Variants in OSBPL8 observed in about 807,000 individuals in gnomAD.
OSBPL8 encodes oxysterol-binding protein-related protein 8.
OSBPL8 carries 59 observed loss-of-function variants against 125.5 expected under a neutral mutation model. The observed-to-expected ratio is 0.47, with a 90% CI of 0.38 to 0.58. OSBPL8 has a LOEUF of 0.58. Ranked by LOEUF, OSBPL8 falls within the 20% of genes least tolerant of loss-of-function variation. OSBPL8 has a pLI of 0.00. For missense variants in OSBPL8, 758 were observed against 1,047.8 expected (o/e 0.72, Z 3.82); for synonymous variants, 330 against 338.9 (o/e 0.97, Z 0.29).
intron 1 of OSBPL8, among the ~76,000 whole-genome samples, chr12:76,510,171 A>G (rs1300816183): frequency 1.3e-5 from 2 of 152,232 alleles, no homozygotes; most frequent in Non-Finnish European, 2.9e-5. Context: ...AATACTTTTC[A>G]TATCTCCAGA....
chr12:76,436,295 T>C (rs1871434739), intron 4 of OSBPL8, among the ~76,000 whole-genome samples: 1 of 152,154 alleles, frequency 6.6e-6, no homozygotes, highest in African/African-American at 2.4e-5. Flanking sequence ...TAAGAAGCTC[T>C]TTTGGATCCA....
Position 76,458,417 on chromosome 12 carries a change from C to T in OSBPL8, c.79+1442G>A, listed in dbSNP as rs533226505. On this transcript the variant is annotated intron_variant, in intron 3 of 23. Coordinates refer to ENST00000261183, the MANE Select transcript of OSBPL8 (RefSeq NM_020841.5). The stretch of plus-strand genomic sequence containing the variant: ...TTAAGAATGAAAAAAGGGCTAGGCA[C>T]GGTGGCTCACACCTGTAATCCCAAC... Among the ~76,000 whole-genome samples, 4 of 152,076 alleles carry T rather than the reference C, an allele frequency of 2.6e-5. No individual in the cohort carries two copies. The East Asian group carries it at 5.8e-4, about 22-fold the overall frequency.
At chr12:76,453,107 T>C (rs1332220498) in intron 3 of OSBPL8, among the ~76,000 whole-genome samples, 1 of 152,136 alleles carries the variant, frequency 6.6e-6, no homozygotes, top group African/African-American at 2.4e-5. Context: ...AAAATATAGT[T>C]TATTGCTTTT....
chr12:76,459,088 C>T (rs1874396438), intron 3 of OSBPL8, among the ~76,000 whole-genome samples: 1 of 152,180 alleles, frequency 6.6e-6, no homozygotes, highest in African/African-American at 2.4e-5. Flanking sequence ...GGAAGACACA[C>T]TGGACTAGTA....
intron 4 of OSBPL8, among the ~76,000 whole-genome samples, chr12:76,415,809 G>A (rs1868577436): frequency 6.6e-6 from 1 of 152,046 alleles, no homozygotes; most frequent in Non-Finnish European, 1.5e-5. Flanking sequence ...CTGATTTGCA[G>A]TAACACTCTT....
At chr12:76,468,620 T>C (rs2136898962) in intron 2 of OSBPL8, among the ~76,000 whole-genome samples, 1 of 152,346 alleles carries the variant, frequency 6.6e-6, no homozygotes, top group Non-Finnish European at 1.5e-5. Flanking sequence ...AGAGCTCAAA[T>C]TGCCAATTCT....
chr12:76,410,443 A>G (rs1435964942), intron 5 of OSBPL8, 121 bp downstream of exon 5: 7 of 688,448 alleles, frequency 1.0e-5, no homozygotes, highest in South Asian at 1.8e-5. Flanking sequence ...TACACACTAC[A>G]TGGTTCAGAT....
chr12:76,356,964 T>A (rs536540082), intron 22 of OSBPL8, among the ~76,000 whole-genome samples: 34 of 152,304 alleles, frequency 2.2e-4, no homozygotes, highest in African/African-American at 7.9e-4. Flanking sequence ...CCAGTTTTTT[T>A]AACTAATTAA....
chr12:76,379,102 A>G (rs758539643), intron 15 of OSBPL8, among the ~76,000 whole-genome samples: 8 of 152,170 alleles, frequency 5.3e-5, no homozygotes, highest in Non-Finnish European at 1.0e-4. Flanking sequence ...TATGAGAGTT[A>G]CAAGAAAATG....
chr12:76,440,956 G>C (rs1415461819), intron 4 of OSBPL8, among the ~76,000 whole-genome samples: 3 of 152,086 alleles, frequency 2.0e-5, no homozygotes, highest in African/African-American at 4.8e-5. Flanking sequence ...AAATTTCTAA[G>C]ACATTTTACT....
chr12:76,501,072 T>C (rs1879849086), intron 1 of OSBPL8, among the ~76,000 whole-genome samples: 2 of 149,508 alleles, frequency 1.3e-5, no homozygotes, highest in African/African-American at 5.1e-5. Flanking sequence ...ATTTATTGAG[T>C]AATTGTATGT....
At chr12:76,425,434 C>T (rs1022138434) in intron 4 of OSBPL8, among the ~76,000 whole-genome samples, 3 of 152,162 alleles carry the variant, frequency 2.0e-5, no homozygotes, top group East Asian at 1.9e-4. Context: ...ATAGGACTTA[C>T]TTCTGTCATG....
intron 1 of OSBPL8, among the ~76,000 whole-genome samples, chr12:76,528,663 G>A (rs1447996400): frequency 6.6e-6 from 1 of 151,810 alleles, no homozygotes; most frequent in Non-Finnish European, 1.5e-5. Context: ...ATAAGGAAGT[G>A]TAACAGAATC....
intron 4 of OSBPL8, among the ~76,000 whole-genome samples, chr12:76,428,114 A>G (rs1479618143): frequency 6.6e-6 from 1 of 152,070 alleles, no homozygotes; most frequent in Non-Finnish European, 1.5e-5. Flanking sequence ...ACATTAAAAA[A>G]TAAATAATTA....
intron 4 of OSBPL8, among the ~76,000 whole-genome samples, chr12:76,437,005 G>C (rs1871538510): frequency 6.6e-6 from 1 of 151,930 alleles, no homozygotes; most frequent in Non-Finnish European, 1.5e-5. Flanking sequence ...GTAGCTTTAA[G>C]GCATTCATTT....
At chr12:76,546,015 G>A (rs1006049822) in intron 1 of OSBPL8, among the ~76,000 whole-genome samples, 1 of 152,088 alleles carries the variant, frequency 6.6e-6, no homozygotes, top group African/African-American at 2.4e-5. Context: ...TGAAAACACT[G>A]GATTCGTAAG....
chr12:76,532,874 C>G (rs969631263), intron 1 of OSBPL8, among the ~76,000 whole-genome samples: 19 of 152,168 alleles, frequency 1.2e-4, no homozygotes, highest in Admixed American at 1.0e-3. Context: ...CTCTCTAGAT[C>G]CCTAAAGCTG....
At chr12:76,394,493 C>T (rs1953710253) in intron 9 of OSBPL8, 152 bp downstream of exon 9, 1 of 600,826 alleles carries the variant, frequency 1.7e-6, no homozygotes, top group Non-Finnish European at 2.9e-6. Flanking sequence ...TTAAGTTACT[C>T]ATATATTTAG....
chr12:76,485,871 A>AT (rs1878072452), intron 2 of OSBPL8, among the ~76,000 whole-genome samples: 1 of 152,196 alleles, frequency 6.6e-6, no homozygotes. Context: ...AGCAACTGAT[A>AT]TTTTTAATAT....
Sources: gnomAD v4.1 joint callset for allele counts (sites outside exome capture counted in the v4.1 genomes callset) on GRCh38, gnomAD v4.1.1 for gene constraint, MANE v1.5 for transcripts, NCBI Gene and HGNC (gene_info 2026-07-23, HGNC 2026-07-21) for gene names.